JAG1: variants seen among roughly 807,000 people sequenced by gnomAD.
JAG1 encodes the protein jagged canonical Notch ligand 1.
In JAG1, 23 loss-of-function variants were observed where a neutral mutation model predicts 148.7. The ratio of observed to expected loss-of-function variants is 0.15; its 90% CI spans 0.11 to 0.22. JAG1 has a LOEUF of 0.22. Ranked by LOEUF, JAG1 falls within the 10% of genes least tolerant of loss-of-function variation. The pLI is 1.00. For missense variants in JAG1, 1,054 were observed against 1,611.2 expected (o/e 0.65, Z 5.92); for synonymous variants, 572 against 598.3 (o/e 0.96, Z 0.64).
chr20:10,664,072 C>T (rs903199714), intron 2 of JAG1, 58 bp from the exon 3 acceptor site: 24 of 1,409,772 alleles, frequency 1.7e-5, no homozygotes, highest in African/African-American at 1.7e-4. Context: ...TCCAAAATCT[C>T]GTACATTCTT....
intron 11 of JAG1, 112 bp from the exon 12 acceptor site, chr20:10,648,834 T>C (rs1014337199): frequency 2.7e-6 from 3 of 1,098,354 alleles, no homozygotes; most frequent in African/African-American, 3.1e-5. Flanking sequence ...TTCACTGAAA[T>C]AGCCAAATGC....
At chr20:10,669,496 G>A (rs1293338584) in intron 2 of JAG1, among the ~76,000 whole-genome samples, 1 of 131,848 alleles carries the variant, frequency 7.6e-6, no homozygotes, top group African/African-American at 3.0e-5. Context: ...GCATGAAGGG[G>A]GCCAAAGCTG....
At chr20:10,658,129 G>A (rs1042494909) in intron 4 of JAG1, among the ~76,000 whole-genome samples, 8 of 152,224 alleles carry the variant, frequency 5.3e-5, no homozygotes, top group Non-Finnish European at 2.9e-5. Flanking sequence ...TAAGGCAAAG[G>A]AAGCTGGGCT....
intron 6 of JAG1, 53 bp from the exon 7 acceptor site, chr20:10,652,303 C>T: frequency 6.2e-7 from 1 of 1,610,536 alleles, no homozygotes; most frequent in South Asian, 1.1e-5. Context: ...ATGGCGAACC[C>T]ACCATGTTTC....
chr20:10,651,485 A>G, intron 8 of JAG1, 96 bp downstream of exon 8: 1 of 784,766 alleles, frequency 1.3e-6, no homozygotes, highest in Non-Finnish European at 2.2e-6. Context: ...TCTCTCACCG[A>G]GACATTCACA....
At position 10,673,131 on chromosome 20, in the gene JAG1, G is replaced by T; in HGVS notation, c.82-125C>A. 1 of 885,698 alleles carries T rather than the reference G, an allele frequency of 1.1e-6. No individual in the cohort carries two copies. The highest frequency in any genetic ancestry group is 1.8e-6 in the Non-Finnish European group (1 of 557,540). 54.9% of individuals were successfully genotyped at this position (885,698 alleles called of 1,614,324 possible). ...CCTCGCCGAGTGAAAATAATTTTGC[G>T]AAACTACGTTCAAGGACTCAACATG... On this transcript the variant is annotated intron_variant, in intron 1 of 25. Coordinates refer to ENST00000254958, the MANE Select transcript of JAG1 (RefSeq NM_000214.3). This position sits in a 1 kb window ranked among gnomAD's most constrained non-coding sequence, Gnocchi z 4.7.
Position 10,673,541 on chromosome 20 carries a change from C to T in JAG1, c.-11G>A. The T allele has an allele frequency of 8.1e-7, 1 of 1,234,816 alleles. No individual in the cohort carries two copies. The highest frequency in any genetic ancestry group is 4.1e-5 in the South Asian group (1 of 24,610). The allele number at this position is 1,234,816 out of a possible 1,614,324, so 76.5% of individuals were successfully genotyped here. A position where few individuals can be genotyped will look rare whatever the true frequency, so the allele number is the denominator to read the frequency against. ...CCGTGGGGAACGCATCGCTGCGCCG[C>T]GCGCCGCGGGCACTCGGGACGCCGC... On this transcript the variant is annotated 5_prime_UTR_variant, in exon 1 of 26. Transcript: ENST00000254958. This position sits in a 1 kb window ranked among gnomAD's most constrained non-coding sequence, Gnocchi z 4.7.
chr20:10,663,429 G>A (rs1407429734), intron 3 of JAG1, among the ~76,000 whole-genome samples: 2 of 152,210 alleles, frequency 1.3e-5, no homozygotes, highest in African/African-American at 4.8e-5. Flanking sequence ...TTCAGAAAGG[G>A]ACAAGGCAGG....
intron 2 of JAG1, among the ~76,000 whole-genome samples, chr20:10,672,185 C>T (rs897187000): frequency 2.6e-5 from 4 of 152,126 alleles, no homozygotes; most frequent in Non-Finnish European, 5.9e-5. Flanking sequence ...ACACTAAAAT[C>T]TCCCGGGGAG....
chr20:10,642,451 A>C (rs773626636), intron 21 of JAG1, 37 bp downstream of exon 21: 7 of 1,258,186 alleles, frequency 5.6e-6, no homozygotes, highest in Non-Finnish European at 8.2e-6. Context: ...CGCTCACCCC[A>C]GAAGACCCAT....
intron 20 of JAG1, 123 bp downstream of exon 20, chr20:10,643,655 C>T (rs1282321184): frequency 5.1e-6 from 4 of 789,386 alleles, no homozygotes; most frequent in Non-Finnish European, 6.6e-6. Flanking sequence ...GAGAGAGATC[C>T]TTTGCTCTAT....
In JAG1 at chr20:10,643,787, A is replaced by G; in HGVS notation, c.2449T>C (p.Cys817Arg). The G allele has an allele frequency of 1.2e-6, 2 of 1,613,704 alleles. No individual in the cohort carries two copies. Among genetic ancestry groups the G allele is most frequent in the Non-Finnish European group, 1.7e-6 (2 of 1,179,614 alleles). ...ECAPGFAGPD[C>R]RININECQSS... ...CGGAGACAGTCCTTACTTATTCTGC[A>G]GTCGGGCCCAGCAAAACCCGGGGCA... The change falls in exon 20 of 26, where the codon TGC (cysteine) becomes CGC (arginine). Residue 817 changes from cysteine to arginine, a missense_variant. Cys to Arg is a radical substitution (Grantham distance 180). Around this residue, in one of 6 missense-constraint regions of JAG1, gnomAD observed 342 missense variants for 514.6 expected, o/e 0.66. Coordinates refer to ENST00000254958, the MANE Select transcript of JAG1 (RefSeq NM_000214.3).
In JAG1 at chr20:10,645,231, C is replaced by T. The variant is rs374177670; in HGVS notation, c.2139G>A (p.Thr713=). 1.6e-5 allele frequency: 26 copies of T among 1,613,866 alleles called. 2 individuals carry two copies. The highest frequency in any genetic ancestry group is 9.9e-5 in the South Asian group (9 of 91,080). ...CATAGCAGGTGCCACCGTTGTTGCA[C>T]GTGGCCTCATCACACTGACTGTCAC... ...HSRDSQCDEA[T]CNNGGTCYDE... The change falls in exon 17 of 26, where the codon ACG becomes ACA. Residue 713 remains threonine, a synonymous_variant. Transcript: ENST00000254958. This position sits in a 1 kb window ranked among gnomAD's most constrained non-coding sequence, Gnocchi z 6.1.
At chr20:10,651,124 A>T (rs1405412507) in intron 8 of JAG1, 1 of 163,664 alleles carries the variant, frequency 6.1e-6, no homozygotes, top group African/African-American at 2.4e-5. Context: ...GGACCCAGAG[A>T]TTTACACTGT....
chr20:10,662,290 T>C (rs895869726), intron 3 of JAG1: 2 of 152,118 alleles, frequency 1.3e-5, no homozygotes, highest in African/African-American at 4.8e-5. Context: ...TACCTGGAAA[T>C]GCAGACAACT....
Position 10,637,933 on chromosome 20 carries a change from G to GC in JAG1, c.*1564dup, listed in dbSNP as rs1297269285. 5 of 152,640 alleles carry GC rather than the reference G, an allele frequency of 3.3e-5. No individual in the cohort carries two copies. The highest frequency in any genetic ancestry group is 1.2e-4 in the African/African-American group (5 of 41,444). 9.5% of individuals were successfully genotyped at this position (152,640 alleles called of 1,614,324 possible). A position where few individuals can be genotyped will look rare whatever the true frequency, so the allele number is the denominator to read the frequency against. On this transcript the variant is annotated 3_prime_UTR_variant, in exon 26 of 26. Coordinates refer to ENST00000254958, the MANE Select transcript of JAG1 (RefSeq NM_000214.3). ...CAGGGTGGCAGAAGCACATGGCAAA[G>GC]CCGGTAGAACTACGTAAGCTCAGAA...
chr20:10,644,327 A>C (rs770310120), intron 19 of JAG1, 30 bp downstream of exon 19: 4 of 1,533,070 alleles, frequency 2.6e-6, no homozygotes, highest in Non-Finnish European at 3.6e-6. Context: ...ATAGTGGATG[A>C]GTGCTGGCTT....
chr20:10,646,859 C>T lies in JAG1; in HGVS notation c.1885+80G>A, dbSNP rs1749314341. On this transcript the variant is annotated intron_variant, in intron 14 of 25. Transcript: ENST00000254958. ...AAAAAAAACTTTCAACACCAATGAT[C>T]CCAGGGTGGGCCAGGGGCAGAGGCA... 2.2e-6 allele frequency: 3 copies of T among 1,337,246 alleles called. No homozygotes were observed. The Admixed American group carries it at 5.0e-5, about 22-fold the overall frequency. 82.8% of individuals were successfully genotyped at this position (1,337,246 alleles called of 1,614,324 possible).
In JAG1 at chr20:10,673,513, C is replaced by T. The variant is rs576539291; in HGVS notation, c.18G>A (p.Thr6=). ...TTAGGGGGCGCCCGGACCGGCCGCGCGTCCGTGGGGAACGCATCGCTGCGC... is the reference window on the plus strand; with the variant it reads ...TTAGGGGGCGCCCGGACCGGCCGCGTGTCCGTGGGGAACGCATCGCTGCGC... MRSPR[T]RGRSGRPLSL... Residue 6 remains threonine, a synonymous_variant, in exon 1 of 26, where the codon ACG becomes ACA. Coordinates refer to ENST00000254958, the MANE Select transcript of JAG1 (RefSeq NM_000214.3). The surrounding 1 kb of genome is among the most constrained non-coding windows in gnomAD (Gnocchi z 4.7). The T allele has an allele frequency of 1.1e-5, 14 of 1,263,582 alleles. No homozygotes were observed. In the South Asian group the frequency reaches 4.7e-4, roughly 42 times the overall value. The allele number at this position is 1,263,582 out of a possible 1,614,324, so 78.3% of individuals were successfully genotyped here. A position where few individuals can be genotyped will look rare whatever the true frequency, so the allele number is the denominator to read the frequency against.
Sources: gnomAD v4.1 joint callset for allele counts (sites outside exome capture counted in the v4.1 genomes callset) on GRCh38, gnomAD v4.1.1 for gene constraint, gnomAD v4.1.1 regional missense constraint, Gnocchi (gnomAD v3.1) non-coding constraint, MANE v1.5 for transcripts, NCBI Gene and HGNC (gene_info 2026-07-23, HGNC 2026-07-21) for gene names.